The following FAM149B1 variants were observed in gnomAD, a reference collection of about 807,000 sequenced individuals.
The protein encoded by FAM149B1 is primary cilium assembly protein FAM149B1.
A neutral mutation model predicts 75.3 loss-of-function variants in FAM149B1; 56 were observed. The ratio of observed to expected loss-of-function variants is 0.74; its 90% CI spans 0.60 to 0.93. The LOEUF is 0.93. Among genes scored for constraint, FAM149B1 ranks in the 40% least tolerant of loss-of-function variants. FAM149B1 has a pLI of 0.00. For synonymous variants in FAM149B1, 259 were observed against 256.1 expected (o/e 1.01, Z -0.11); for missense variants, 639 against 708.4 (o/e 0.90, Z 1.11).
chr10:73,199,519 T>C (rs2042885834), intron 5 of FAM149B1, among the ~76,000 whole-genome samples: 1 of 151,956 alleles, frequency 6.6e-6, no homozygotes, highest in Non-Finnish European at 1.5e-5. Context: ...GCCTGGCCAA[T>C]AACTGTTATT....
chr10:73,240,103 A>G (rs1334184137), intron 13 of FAM149B1, among the ~76,000 whole-genome samples: 1 of 152,142 alleles, frequency 6.6e-6, no homozygotes, highest in Non-Finnish European at 1.5e-5. Context: ...TATTTTTTGT[A>G]GAGACAGGGT....
chr10:73,231,733 T>G (rs7086970), intron 9 of FAM149B1, among the ~76,000 whole-genome samples: 3 of 152,242 alleles, frequency 2.0e-5, no homozygotes, highest in African/African-American at 7.2e-5. Context: ...AAAGATGGGT[T>G]TCTTCTGGGG....
chr10:73,191,138 T>C (rs1188150932), intron 3 of FAM149B1, among the ~76,000 whole-genome samples: 1 of 151,906 alleles, frequency 6.6e-6, no homozygotes, highest in Non-Finnish European at 1.5e-5. Context: ...CCTCCCGGGT[T>C]CAAGAGATTC....
chr10:73,197,655 A>G (rs1224419190), intron 5 of FAM149B1, among the ~76,000 whole-genome samples: 1 of 152,122 alleles, frequency 6.6e-6, no homozygotes, highest in South Asian at 2.1e-4. Flanking sequence ...CTGTAATCCC[A>G]GCTGCTTGGG....
chr10:73,232,999 T>C lies in FAM149B1; in HGVS notation c.1188T>C (p.Asn396=), dbSNP rs1288265070. 5 of 1,551,928 alleles carry C rather than the reference T, an allele frequency of 3.2e-6. No individual in the cohort carries two copies. Among genetic ancestry groups the C allele is most frequent in the Admixed American group, 2.0e-5 (1 of 50,980 alleles). The change falls in exon 10 of 14, where the codon AAT becomes AAC. Residue 396 remains asparagine (N), a synonymous_variant. Transcript: ENST00000242505. ...PGSSTILSTR[N]WPNRAVEFST... ...CCAGTACCATCCTTTCAACTCGAAA[T>C]TGGCCAAATCGAGCTGTGGAGTTTA...
At position 73,242,063 on chromosome 10, in the gene FAM149B1, A is replaced by C. The variant is rs1431123876; in HGVS notation, c.*1044A>C. The C allele has an allele frequency of 6.6e-6, 1 of 152,222 alleles. No homozygotes were observed. Among genetic ancestry groups the C allele is most frequent in the Non-Finnish European group, 1.5e-5 (1 of 68,034 alleles). The allele number at this position is 152,222 out of a possible 1,614,324, so 9.4% of individuals were successfully genotyped here. A position where few individuals can be genotyped will look rare whatever the true frequency, so the allele number is the denominator to read the frequency against. ...AGAATGGATAAATTCAAATAATCATAAATTACGGTAACTTTTTATTATACC... is the reference window on the plus strand; with the variant it reads ...AGAATGGATAAATTCAAATAATCATCAATTACGGTAACTTTTTATTATACC... On this transcript the variant is annotated 3_prime_UTR_variant, in exon 14 of 14. Transcript: ENST00000242505.
At position 73,230,422 on chromosome 10, in the gene FAM149B1, A is replaced by T; in HGVS notation, c.1024A>T (p.Met342Leu). Residue 342 changes from methionine (M) to leucine (L), a missense_variant and splice_region_variant, in exon 9 of 14, where the codon ATG becomes TTG. Coordinates refer to ENST00000242505, the MANE Select transcript of FAM149B1 (RefSeq NM_173348.2). ...AGTACTGTCTTCTTTCAACACGTAG[A>T]TGAGTCTCTGTCAAGCAAGCAGACA... The part of the protein sequence containing the change: ...SKVLYITSNP[M>L]SLCQASRHQP... The T allele has an allele frequency of 6.6e-7, 1 of 1,515,746 alleles. No homozygotes were observed. The highest frequency in any genetic ancestry group is 1.4e-5 in the African/African-American group (1 of 72,344). The allele number at this position is 1,515,746 out of a possible 1,614,324, so 93.9% of individuals were successfully genotyped here.
chr10:73,228,140 C>G lies in FAM149B1; in HGVS notation c.979C>G (p.Pro327Ala), dbSNP rs750815216. Reference sequence around the variant, plus strand: ...GAGTGAACTACATCCTTTGGTGTTACCGCGAGTGCCACAGTCTAAGGTGCT... The same window carrying G: ...GAGTGAACTACATCCTTTGGTGTTAGCGCGAGTGCCACAGTCTAAGGTGCT... ...VLSELHPLVLPRVPQSKVLYI... is the reference protein window; with the variant it reads ...VLSELHPLVLARVPQSKVLYI... Residue 327 changes from proline (P) to alanine (A), a missense_variant, in exon 8 of 14, where the codon CCG becomes GCG. Physicochemically the swap from Pro to Ala is conservative, Grantham distance 27 (BLOSUM62 -1). Coordinates refer to ENST00000242505, the MANE Select transcript of FAM149B1 (RefSeq NM_173348.2). 1.3e-6 allele frequency: 2 copies of G among 1,551,514 alleles called. No homozygotes were observed. Among genetic ancestry groups the G allele is most frequent in the African/African-American group, 1.4e-5 (1 of 73,124 alleles).
intron 3 of FAM149B1, among the ~76,000 whole-genome samples, chr10:73,179,126 A>G (rs1410199565): frequency 1.3e-5 from 2 of 151,822 alleles, no homozygotes; most frequent in Non-Finnish European, 2.9e-5. Flanking sequence ...CACCATGGCC[A>G]GCTAATTTTT....
Position 73,192,663 on chromosome 10 carries a change from G to C in FAM149B1, c.390G>C (p.Glu130Asp). ...LSVHTKSLQE[E>D]CQQWTASFPH... ...TGCATACCAAGAGTCTACAAGAAGA[G>C]TGCCAACAGTGGACAGCTAGCTTTC... Residue 130 changes from glutamate (E) to aspartate (D), a missense_variant, in exon 4 of 14, where the codon GAG (glutamate) becomes GAC (aspartate). Glu to Asp is a conservative substitution (Grantham distance 45). Transcript: ENST00000242505. 1.9e-6 allele frequency: 3 copies of C among 1,549,860 alleles called. No homozygotes were observed. In the South Asian group the frequency reaches 3.6e-5, roughly 19 times the overall value.
intron 13 of FAM149B1, among the ~76,000 whole-genome samples, chr10:73,240,690 G>C (rs1235917747): frequency 5.3e-5 from 8 of 151,632 alleles, no homozygotes; most frequent in Non-Finnish European, 8.8e-5. Flanking sequence ...TCCAGCCTGG[G>C]GGGACAGAGT....
Position 73,243,742 on chromosome 10 carries a change from G to T in FAM149B1, c.*2723G>T. On this transcript the variant is annotated 3_prime_UTR_variant, in exon 14 of 14. Coordinates refer to ENST00000242505, the MANE Select transcript of FAM149B1 (RefSeq NM_173348.2). ...TAAAAGGACAAATAGAAGGTATGCG[G>T]TTATGTCTTAAAAGAAGAAAACAAA... is the stretch of plus-strand genomic sequence containing the variant. 1 of 1,202,200 alleles carries T rather than the reference G, an allele frequency of 8.3e-7. No homozygotes were observed. The highest frequency in any genetic ancestry group is 1.2e-6 in the Non-Finnish European group (1 of 839,332). The allele number at this position is 1,202,200 out of a possible 1,614,324, so 74.5% of individuals were successfully genotyped here. A position where few individuals can be genotyped will look rare whatever the true frequency, so the allele number is the denominator to read the frequency against.
intron 5 of FAM149B1, among the ~76,000 whole-genome samples, chr10:73,197,687 T>C (rs751902108): frequency 5.9e-5 from 9 of 152,126 alleles, no homozygotes; most frequent in Non-Finnish European, 1.3e-4. Flanking sequence ...GGAGAATCCC[T>C]TGAACTCAGG....
At chr10:73,173,637 T>C (rs1264279866) in intron 1 of FAM149B1, among the ~76,000 whole-genome samples, 1 of 152,226 alleles carries the variant, frequency 6.6e-6, no homozygotes, top group Non-Finnish European at 1.5e-5. Flanking sequence ...TGTTCAACTT[T>C]TGACTCCCCA....
At chr10:73,234,716 A>C in intron 10 of FAM149B1, 101 bp from the exon 11 acceptor site, 1 of 1,316,308 alleles carries the variant, frequency 7.6e-7, no homozygotes, top group Non-Finnish European at 1.0e-6. Context: ...TTCTGTGCAC[A>C]TTAAACTCAT....
At chr10:73,204,277 A>C (rs540237121) in intron 5 of FAM149B1, among the ~76,000 whole-genome samples, 43 of 152,250 alleles carry the variant, frequency 2.8e-4, no homozygotes, top group Middle Eastern at 6.8e-3. Context: ...GGCACATGCC[A>C]TCACGCCTGG....
rs2043978494 is a variant in FAM149B1 at position 73,243,774 on chromosome 10, C to T, written c.*2755C>T. ...CTTAAAAGAAGAAAACAAAATACAA[C>T]ATTCCAAAGAAAATATTAGCAGTAG... On this transcript the variant is annotated 3_prime_UTR_variant, in exon 14 of 14. Transcript: ENST00000242505. The T allele has an allele frequency of 3.5e-6, 5 of 1,412,330 alleles. No individual in the cohort carries two copies. Among genetic ancestry groups the T allele is most frequent in the Non-Finnish European group, 4.9e-6 (5 of 1,012,502 alleles). The allele number at this position is 1,412,330 out of a possible 1,614,324, so 87.5% of individuals were successfully genotyped here. A position where few individuals can be genotyped will look rare whatever the true frequency, so the allele number is the denominator to read the frequency against.
chr10:73,193,057 A>G (rs763622915), intron 4 of FAM149B1, among the ~76,000 whole-genome samples: 45 of 152,230 alleles, frequency 3.0e-4, no homozygotes, highest in Non-Finnish European at 4.7e-4. Context: ...AGGCTATTCA[A>G]GAGCTTCCTT....
chr10:73,171,630 CT>C (rs11351703), intron 1 of FAM149B1, among the ~76,000 whole-genome samples: 18,372 of 137,198 alleles, frequency 0.13, 1,370 homozygotes, highest in East Asian at 0.27. Flanking sequence ...CCTTTTCTTT[CT>C]TTTTTTTTTT....
Sources: allele counts gnomAD v4.1 joint callset (sites outside exome capture counted in the v4.1 genomes callset), GRCh38; gene constraint gnomAD v4.1.1; transcripts MANE v1.5; gene names NCBI Gene and HGNC (gene_info 2026-07-23, HGNC 2026-07-21).